The following GLYR1 variants were observed in gnomAD, a reference collection of about 807,000 sequenced individuals.
The protein encoded by GLYR1 is cytokine-like nuclear factor N-PAC.
GLYR1 carries 21 observed loss-of-function variants against 72.7 expected under a neutral mutation model. The ratio of observed to expected loss-of-function variants is 0.29; its 90% CI spans 0.20 to 0.42. The LOEUF is 0.42. Ranked by LOEUF, GLYR1 falls within the 10% of genes least tolerant of loss-of-function variation. The pLI, the probability that GLYR1 is intolerant of heterozygous loss-of-function variation, is 1.00. For missense variants in GLYR1, 594 were observed against 712.1 expected, an observed-to-expected ratio of 0.83 and a Z score of 1.89; for synonymous variants, 392 against 270.2, an observed-to-expected ratio of 1.45 and a Z score of -4.42.
At chr16:4,831,249 G>T (rs1364329558) in intron 5 of GLYR1, among the ~76,000 whole-genome samples, 1 of 151,948 alleles carries the variant, frequency 6.6e-6, no homozygotes, top group African/African-American at 2.4e-5. Context: ...ATGAATGCAC[G>T]CCTAGACTTA....
chr16:4,825,346 TC>T (rs57083076), intron 5 of GLYR1, among the ~76,000 whole-genome samples: 5 of 151,868 alleles, frequency 3.3e-5, no homozygotes, highest in African/African-American at 9.7e-5. Context: ...CTGCTGGCTT[TC>T]CCCCCCGCAC....
chr16:4,847,182 G>A (rs1340984396), intron 1 of GLYR1, 46 bp downstream of exon 1: 1 of 1,555,706 alleles, frequency 6.4e-7, no homozygotes, highest in Non-Finnish European at 8.8e-7. Flanking sequence ...CGCCCAGGCG[G>A]GTAGCTCCCC....
intron 3 of GLYR1, among the ~76,000 whole-genome samples, chr16:4,842,913 T>C (rs752752326): frequency 4.6e-5 from 7 of 152,122 alleles, no homozygotes; most frequent in Middle Eastern, 3.4e-3. Context: ...TTGGCCAGGC[T>C]GTTCTCAAAT....
Position 4,821,583 on chromosome 16 carries a change from G to A in GLYR1, c.696C>T (p.Tyr232=). The change falls in exon 8 of 16, where the codon TAC becomes TAT. Residue 232 remains tyrosine, a synonymous_variant. Coordinates refer to ENST00000321919, the MANE Select transcript of GLYR1 (RefSeq NM_032569.4). ...LSQTEKPAVC[Y]QAITKKLKIC... ...TTTTCAACTTCTTCGTGATTGCCTG[G>A]TAACAGACAGCTGGCTAATGAAGGA... The A allele has an allele frequency of 6.2e-7, 1 of 1,614,016 alleles. No homozygotes were observed. The highest frequency in any genetic ancestry group is 8.5e-7 in the Non-Finnish European group (1 of 1,180,002).
chr16:4,808,969 A>G (rs1002889071), intron 15 of GLYR1, among the ~76,000 whole-genome samples: 1 of 152,168 alleles, frequency 6.6e-6, no homozygotes, highest in Admixed American at 6.6e-5. Flanking sequence ...TGTCTCAAAT[A>G]TAAAAAAAGT....
At chr16:4,811,923 G>A (rs985050694) in intron 13 of GLYR1, 121 bp from the exon 14 acceptor site, 9 of 1,412,744 alleles carry the variant, frequency 6.4e-6, no homozygotes, top group African/African-American at 4.3e-5. Context: ...ACCTGCCCCC[G>A]ACAGACTGGC....
At chr16:4,828,392 C>T (rs187454927) in intron 5 of GLYR1, among the ~76,000 whole-genome samples, 1 of 152,080 alleles carries the variant, frequency 6.6e-6, no homozygotes, top group Admixed American at 6.6e-5. Flanking sequence ...TTTAAAAAGA[C>T]ATATTGCTAT....
At chr16:4,811,992 G>A in intron 13 of GLYR1, 94 bp downstream of exon 13, 2 of 1,498,996 alleles carry the variant, frequency 1.3e-6, no homozygotes, top group Non-Finnish European at 1.8e-6. Flanking sequence ...CAGGGTCCCC[G>A]GCAGAAAGGC....
chr16:4,832,959 C>T (rs1222845889), intron 3 of GLYR1, 47 bp from the exon 4 acceptor site: 3 of 1,524,798 alleles, frequency 2.0e-6, no homozygotes, highest in Admixed American at 2.0e-5. Flanking sequence ...ATAGCATATG[C>T]CCTAAAGTAT....
At chr16:4,812,647 C>T (rs1347734359) in intron 12 of GLYR1, among the ~76,000 whole-genome samples, 1 of 151,674 alleles carries the variant, frequency 6.6e-6, no homozygotes, top group African/African-American at 2.4e-5. Flanking sequence ...CGTCCACCAC[C>T]ACGCCTGGCT....
At chr16:4,821,340 G>T in intron 9 of GLYR1, 40 bp downstream of exon 9, 1 of 1,605,456 alleles carries the variant, frequency 6.2e-7, no homozygotes, top group South Asian at 1.1e-5. Context: ...ACCCTCAGCA[G>T]AACCAGAGCC....
chr16:4,836,672 T>C (rs148266109), intron 3 of GLYR1, among the ~76,000 whole-genome samples: 6 of 152,210 alleles, frequency 3.9e-5, no homozygotes, highest in African/African-American at 1.4e-4. Context: ...ACAAGGAAAA[T>C]GGACTGACCA....
In GLYR1 at chr16:4,847,228, C is replaced by T; in HGVS notation, c.38G>A (p.Trp13Ter). Reference protein sequence around the residue: ...AVSLRLGDLVWGKLGRYPPWP... With the variant: ...AVSLRLGDLV ...GGTTGGCCCGGCCGCTCGGACTCAC[C>T]ACACCAAGTCGCCGAGCCGCAGACT... The change falls in exon 1 of 16, where the codon TGG (tryptophan) becomes TAG (stop). Residue 13 changes from tryptophan (W) to a stop codon, truncating the protein, a stop_gained and splice_region_variant. Coordinates refer to ENST00000321919, the MANE Select transcript of GLYR1 (RefSeq NM_032569.4). LOFTEE classifies it high-confidence loss of function. The T allele has an allele frequency of 6.2e-7, 1 of 1,607,250 alleles. No individual in the cohort carries two copies. Among genetic ancestry groups the T allele is most frequent in the Non-Finnish European group, 8.5e-7 (1 of 1,178,056 alleles).
intron 3 of GLYR1, among the ~76,000 whole-genome samples, chr16:4,841,457 CAAA>C (rs1160441336): frequency 9.4e-5 from 3 of 31,946 alleles, no homozygotes; most frequent in Non-Finnish European, 1.2e-4. Flanking sequence ...CTTGTCTCTA[CAAA>C]AAAAAAAAAA....
intron 5 of GLYR1, among the ~76,000 whole-genome samples, chr16:4,828,477 C>A (rs2084573477): frequency 6.6e-6 from 1 of 152,054 alleles, no homozygotes; most frequent in South Asian, 2.1e-4. Flanking sequence ...GTGTGACCTG[C>A]AATGATCTGG....
intron 5 of GLYR1, among the ~76,000 whole-genome samples, chr16:4,825,706 C>T (rs1398414366): frequency 2.0e-5 from 3 of 151,796 alleles, no homozygotes; most frequent in East Asian, 1.9e-4. Context: ...GGCTGCAGTG[C>T]AGTGGCACAA....
intron 15 of GLYR1, among the ~76,000 whole-genome samples, chr16:4,809,888 C>A (rs2083227408): frequency 6.6e-6 from 1 of 151,592 alleles, no homozygotes; most frequent in Non-Finnish European, 1.5e-5. Context: ...CGCGACACTG[C>A]ACTCCAGCCT....
At chr16:4,832,577 C>G (rs901318689) in intron 4 of GLYR1, 197 bp downstream of exon 4, 2 of 663,248 alleles carry the variant, frequency 3.0e-6, no homozygotes, top group Non-Finnish European at 4.9e-6. Context: ...CTAAAAGCAA[C>G]AACCTACTCC....
rs1596289289 is a variant in GLYR1, at chr16:4,804,983, A to C, written c.*253T>G. On this transcript the variant is annotated 3_prime_UTR_variant, in exon 16 of 16. Coordinates refer to ENST00000321919, the MANE Select transcript of GLYR1 (RefSeq NM_032569.4). ...TGTGTGTGTGTGTGAACACACAGCC[A>C]CCTCGTCCGGGGGGCCAGTGCCCAG... 1 of 516,584 alleles carries C rather than the reference A, an allele frequency of 1.9e-6. No homozygotes were observed. The highest frequency in any genetic ancestry group is 3.5e-6 in the Non-Finnish European group (1 of 282,534). The allele number at this position is 516,584 out of a possible 1,614,324, so 32.0% of individuals were successfully genotyped here.
Sources: gnomAD v4.1 joint callset for allele counts (sites outside exome capture counted in the v4.1 genomes callset) on GRCh38, gnomAD v4.1.1 for gene constraint, MANE v1.5 for transcripts, NCBI Gene and HGNC (gene_info 2026-07-23, HGNC 2026-07-21) for gene names.